The following SLC25A31 variants were observed in gnomAD, a reference collection of about 807,000 sequenced individuals.
SLC25A31 encodes solute carrier family 25 member 31.
Under a neutral mutation model 36.2 loss-of-function variants are expected in SLC25A31, and 40 were observed. That is an observed-to-expected ratio of 1.10 (90% CI 0.86 to 1.44). The LOEUF (loss-of-function observed/expected upper bound fraction) is 1.44, where lower values mean the gene tolerates loss of function less well. SLC25A31 is among the 40% of genes most tolerant of loss of function. The probability of loss-of-function intolerance (pLI) is 0.00; values close to 1 mark genes in which losing one functional copy is unlikely to be tolerated. For missense variants in SLC25A31, 350 were observed against 397.1 expected (o/e 0.88, Z 1.01); for synonymous variants, 143 against 149.7 (o/e 0.96, Z 0.32).
chr4:127,764,296 A>T lies in SLC25A31; in HGVS notation c.414A>T (p.Thr138=). 2.5e-6 allele frequency: 4 copies of T among 1,614,096 alleles called. No homozygotes were observed. The highest frequency in any genetic ancestry group is 3.4e-6 in the Non-Finnish European group (4 of 1,179,982). ...CTTCTGGTGGAGCTGCTGGGGCAAC[A>T]TCCTTATGTGTAGTATATCCTCTAG... ...NLASGGAAGA[T]SLCVVYPLDF... is the part of the protein sequence containing the mutation. The change falls in exon 3 of 6, where the codon ACA becomes ACT. Residue 138 remains threonine, a synonymous_variant. Coordinates refer to ENST00000281154, the MANE Select transcript of SLC25A31 (RefSeq NM_031291.4).
intron 2 of SLC25A31, among the ~76,000 whole-genome samples, chr4:127,754,282 C>T (rs1731989767): frequency 6.6e-6 from 1 of 151,998 alleles, no homozygotes; most frequent in South Asian, 2.1e-4. Flanking sequence ...ACTAGAAGTC[C>T]TAGCCAGAGC....
intron 1 of SLC25A31, among the ~76,000 whole-genome samples, chr4:127,736,093 G>C (rs1253623071): frequency 6.6e-6 from 1 of 151,248 alleles, no homozygotes; most frequent in South Asian, 2.1e-4. Flanking sequence ...GTTTCACCTT[G>C]TTAGCCAGGA....
intron 1 of SLC25A31, among the ~76,000 whole-genome samples, chr4:127,731,855 C>T (rs2148751041): frequency 6.6e-6 from 1 of 151,098 alleles, no homozygotes; most frequent in East Asian, 1.9e-4. Flanking sequence ...AAAATCAAGT[C>T]ATGCAAAAGA....
chr4:127,763,955 G>A (rs969896924), intron 2 of SLC25A31, among the ~76,000 whole-genome samples: 2 of 151,992 alleles, frequency 1.3e-5, no homozygotes, highest in East Asian at 1.9e-4. Flanking sequence ...ATGATTATGC[G>A]ACCTCTTTTG....
chr4:127,758,604 A>G (rs1732074096), intron 2 of SLC25A31, among the ~76,000 whole-genome samples: 1 of 152,072 alleles, frequency 6.6e-6, no homozygotes, highest in South Asian at 2.1e-4. Context: ...TTGAGGTCTT[A>G]TATTTAATTT....
rs1287209078 is a variant in SLC25A31, at chr4:127,764,277, G to A, written c.395G>A (p.Gly132Asp). 1.9e-6 allele frequency: 3 copies of A among 1,613,800 alleles called. No homozygotes were observed. Among genetic ancestry groups the A allele is most frequent in the South Asian group, 2.2e-5 (2 of 91,038 alleles). Residue 132 changes from glycine to aspartate, a missense_variant, in exon 3 of 6, where the codon GGT becomes GAT. Transcript: ENST00000281154. ...WRWFLANLAS[G>D]GAAGATSLCV... ...TGGTTTTTGGCAAACCTGGCTTCTG[G>A]TGGAGCTGCTGGGGCAACATCCTTA...
At chr4:127,759,657 A>G (rs1296044759) in intron 2 of SLC25A31, among the ~76,000 whole-genome samples, 2 of 152,176 alleles carry the variant, frequency 1.3e-5, no homozygotes, top group Admixed American at 6.5e-5. Context: ...CTGTTAAACT[A>G]CTGAGAGGGG....
intron 2 of SLC25A31, among the ~76,000 whole-genome samples, chr4:127,747,282 T>C (rs1731843477): frequency 6.6e-6 from 1 of 152,190 alleles, no homozygotes; most frequent in Non-Finnish European, 1.5e-5. Flanking sequence ...TTAAACAGTT[T>C]TTTCTAGTTC....
At chr4:127,764,786 T>C (rs1382632972) in intron 3 of SLC25A31, among the ~76,000 whole-genome samples, 2 of 152,038 alleles carry the variant, frequency 1.3e-5, no homozygotes, top group Non-Finnish European at 2.9e-5. Context: ...TGGTAGAGTA[T>C]ATTCTTTGGT....
At chr4:127,768,711 T>C (rs777133932) in intron 4 of SLC25A31, 41 bp from the exon 5 acceptor site, 1 of 1,520,962 alleles carries the variant, frequency 6.6e-7, no homozygotes, top group Non-Finnish European at 8.8e-7. Context: ...TAAGATATTT[T>C]AGAAATTTGG....
intron 2 of SLC25A31, among the ~76,000 whole-genome samples, chr4:127,745,094 A>G (rs1286851538): frequency 6.6e-6 from 1 of 152,174 alleles, no homozygotes; most frequent in Non-Finnish European, 1.5e-5. Flanking sequence ...CTGGGGAAAC[A>G]TGGCATTTTG....
chr4:127,731,929 C>T (rs984659352), intron 1 of SLC25A31, among the ~76,000 whole-genome samples: 1 of 151,998 alleles, frequency 6.6e-6, no homozygotes, highest in Non-Finnish European at 1.5e-5. Flanking sequence ...ACCAGTTTTT[C>T]TTTTTGCATC....
intron 1 of SLC25A31, among the ~76,000 whole-genome samples, chr4:127,734,376 A>G (rs1394380602): frequency 6.6e-6 from 1 of 152,060 alleles, no homozygotes. Flanking sequence ...CCTGGCCAAC[A>G]TGGTGAAACC....
At chr4:127,770,375 C>T (rs1026977319) in intron 5 of SLC25A31, among the ~76,000 whole-genome samples, 1 of 152,086 alleles carries the variant, frequency 6.6e-6, no homozygotes, top group African/African-American at 2.4e-5. Flanking sequence ...GCCTGTAATC[C>T]CAACACTTTG....
Position 127,730,493 on chromosome 4 carries a change from G to A in SLC25A31, c.-53G>A, listed in dbSNP as rs1160924909. On this transcript the variant is annotated 5_prime_UTR_variant, in exon 1 of 6. Transcript: ENST00000281154. The stretch of plus-strand genomic sequence containing the variant: ...CGGTTTTCCGCTTCCCTTCATCGTA[G>A]CTCCCGTACTCATTTTTAGCCACTG... The A allele has an allele frequency of 6.4e-7, 1 of 1,557,558 alleles. No homozygotes were observed. Among genetic ancestry groups the A allele is most frequent in the Admixed American group, 1.7e-5 (1 of 58,730 alleles).
chr4:127,744,058 T>C (rs1164469089), intron 1 of SLC25A31, among the ~76,000 whole-genome samples: 2 of 152,110 alleles, frequency 1.3e-5, no homozygotes, highest in Admixed American at 6.6e-5. Context: ...ATTATATGGG[T>C]TGGTCAATCC....
chr4:127,730,824 C>T, intron 1 of SLC25A31, 47 bp downstream of exon 1: 1 of 1,537,876 alleles, frequency 6.5e-7, no homozygotes, highest in Non-Finnish European at 8.8e-7. Context: ...GCGCCCTCGT[C>T]AGCTTCCCAG....
chr4:127,758,496 GT>G (rs1463424753), intron 2 of SLC25A31, among the ~76,000 whole-genome samples: 4 of 152,050 alleles, frequency 2.6e-5, no homozygotes, highest in African/African-American at 9.7e-5. Flanking sequence ...GTCAATTTTT[GT>G]TTTTGTTGCA....
At chr4:127,763,330 T>C (rs1255451608) in intron 2 of SLC25A31, among the ~76,000 whole-genome samples, 1 of 152,174 alleles carries the variant, frequency 6.6e-6, no homozygotes, top group South Asian at 2.1e-4. Flanking sequence ...CTAGAGAACA[T>C]TGAGAATTGC....
Sources: gnomAD v4.1 joint callset for allele counts (sites outside exome capture counted in the v4.1 genomes callset) on GRCh38, gnomAD v4.1.1 for gene constraint, MANE v1.5 for transcripts, NCBI Gene and HGNC (gene_info 2026-07-23, HGNC 2026-07-21) for gene names.